Variants in DOCK7 observed in about 807,000 individuals in gnomAD.
DOCK7 encodes the protein dedicator of cytokinesis protein 7.
Under a neutral mutation model 271.0 loss-of-function variants are expected in DOCK7, and 138 were observed. The observed-to-expected ratio is 0.51, with a 90% CI of 0.44 to 0.59. The LOEUF (loss-of-function observed/expected upper bound fraction) is 0.59. Among genes scored for constraint, DOCK7 ranks in the 20% least tolerant of loss-of-function variants. DOCK7 has a pLI of 0.00. For missense variants in DOCK7, 2,066 were observed against 2,592.4 expected (o/e 0.80, Z 4.41); for synonymous variants, 823 against 876.1 (o/e 0.94, Z 1.07).
At chr1:62,527,599 A>G (rs1645048026) in intron 31 of DOCK7, among the ~76,000 whole-genome samples, 1 of 152,032 alleles carries the variant, frequency 6.6e-6, no homozygotes. Flanking sequence ...GAAGCTGGAA[A>G]CCATCATTCT....
intron 2 of DOCK7, among the ~76,000 whole-genome samples, chr1:62,662,634 G>A (rs1243769675): frequency 6.6e-6 from 1 of 152,106 alleles, no homozygotes; most frequent in African/African-American, 2.4e-5. Context: ...GGTGGCACAT[G>A]CCTGTAGTCC....
At chr1:62,587,529 C>T (rs1248916775) in intron 14 of DOCK7, among the ~76,000 whole-genome samples, 1 of 152,006 alleles carries the variant, frequency 6.6e-6, no homozygotes, top group Non-Finnish European at 1.5e-5. Context: ...AAACTGTACA[C>T]ATGTGCAAAT....
At chr1:62,670,456 G>A (rs1387333603) in intron 1 of DOCK7, among the ~76,000 whole-genome samples, 24 of 145,958 alleles carry the variant, frequency 1.6e-4, no homozygotes, top group East Asian at 8.4e-4. Context: ...TGCACCAATC[G>A]ACACTCTGTA....
At chr1:62,518,594 G>C (rs191347006) in intron 31 of DOCK7, among the ~76,000 whole-genome samples, 1,555 of 149,842 alleles carry the variant, frequency 0.01, 38 homozygotes, top group African/African-American at 0.036. Context: ...AAAAAAATTA[G>C]CCAGGCGCAG....
At chr1:62,580,811 TG>T (rs1271840196) in intron 16 of DOCK7, among the ~76,000 whole-genome samples, 1 of 152,200 alleles carries the variant, frequency 6.6e-6, no homozygotes, top group Non-Finnish European at 1.5e-5. Flanking sequence ...TGCCTGGTTT[TG>T]TATAGCCTGC....
At chr1:62,567,024 G>C (rs573256308) in intron 18 of DOCK7, among the ~76,000 whole-genome samples, 1 of 152,054 alleles carries the variant, frequency 6.6e-6, no homozygotes, top group Non-Finnish European at 1.5e-5. Flanking sequence ...TTAGAATGGC[G>C]ATCATTAAAA....
intron 21 of DOCK7, among the ~76,000 whole-genome samples, chr1:62,554,856 T>G (rs1646086938): frequency 6.6e-6 from 1 of 152,200 alleles, no homozygotes; most frequent in African/African-American, 2.4e-5. Flanking sequence ...AATATAAATG[T>G]CAATTGCTTT....
intron 29 of DOCK7, 125 bp from the exon 30 acceptor site, chr1:62,529,571 A>G (rs1331814835): frequency 7.0e-6 from 4 of 570,126 alleles, no homozygotes; most frequent in Non-Finnish European, 8.3e-6. Flanking sequence ...CCTTTGTCAT[A>G]TATTTGCATG....
chr1:62,601,040 T>C (rs1477766405), intron 14 of DOCK7: 3 of 1,140,614 alleles, frequency 2.6e-6, no homozygotes, highest in Non-Finnish European at 2.7e-6. Flanking sequence ...TAATTGTATA[T>C]TCAGTATCAT....
chr1:62,506,611 C>A (rs1646944267), intron 35 of DOCK7, among the ~76,000 whole-genome samples: 1 of 151,562 alleles, frequency 6.6e-6, no homozygotes, highest in African/African-American at 2.4e-5. Context: ...GCTAGGATTA[C>A]AGGTGTGCGC....
At position 62,513,452 on chromosome 1, in the gene DOCK7, G is replaced by A; in HGVS notation, c.4274C>T (p.Ser1425Phe). The A allele has an allele frequency of 6.3e-7, 1 of 1,589,082 alleles. No individual in the cohort carries two copies. Among genetic ancestry groups the A allele is most frequent in the African/African-American group, 1.4e-5 (1 of 73,368 alleles). Residue 1425 changes from serine to phenylalanine, a missense_variant, in exon 33 of 50, where the codon TCT becomes TTT. Transcript: ENST00000635253. ...ATTGAAGAAATTCTCACCAGGAGGAGAAGCTATTGTGTACGTACCGAGCTG... is the reference window on the plus strand; with the variant it reads ...ATTGAAGAAATTCTCACCAGGAGGAAAAGCTATTGTGTACGTACCGAGCTG... ...RGQLGTYTIA[S>F]PPERSPSGSA...
chr1:62,626,766 TACC>T (rs1654006879), intron 11 of DOCK7, among the ~76,000 whole-genome samples: 1 of 152,004 alleles, frequency 6.6e-6, no homozygotes. Flanking sequence ...TGAAAAAACT[TACC>T]ACAAAGAAAA....
chr1:62,458,614 C>G (rs1190037034), intron 48 of DOCK7: 1 of 151,650 alleles, frequency 6.6e-6, no homozygotes, highest in Non-Finnish European at 1.5e-5. Context: ...CTCACTGCAA[C>G]CTCTGCCTCC....
intron 43 of DOCK7, chr1:62,481,542 TAAAAAA>T (rs140449764): frequency 6.7e-6 from 1 of 148,252 alleles, no homozygotes; most frequent in South Asian, 2.1e-4. Context: ...TCTTTTGAAT[TAAAAAA>T]AAAACAAAAA....
chr1:62,528,074 CTCATA>C, intron 31 of DOCK7, 72 bp downstream of exon 31: 1 of 1,410,316 alleles, frequency 7.1e-7, no homozygotes, highest in Non-Finnish European at 9.5e-7. Context: ...ATACAATCAT[CTCATA>C]TATTTAAGGG....
At chr1:62,584,066 A>G (rs555680265) in intron 15 of DOCK7, 1 of 806,480 alleles carries the variant, frequency 1.2e-6, no homozygotes, top group South Asian at 5.7e-5. Flanking sequence ...GCATGAATAG[A>G]TATGTGAACA....
At chr1:62,604,657 G>T in intron 14 of DOCK7, 1 of 1,613,168 alleles carries the variant, frequency 6.2e-7, no homozygotes, top group Non-Finnish European at 8.5e-7. Flanking sequence ...CATGATGAGT[G>T]TGGAGAAAAC....
intron 15 of DOCK7, among the ~76,000 whole-genome samples, chr1:62,585,539 C>G (rs1647394476): frequency 6.6e-6 from 1 of 152,088 alleles, no homozygotes; most frequent in African/African-American, 2.4e-5. Flanking sequence ...TTTGGACAGT[C>G]AAGAATCTCT....
intron 19 of DOCK7, among the ~76,000 whole-genome samples, chr1:62,560,498 A>G (rs932485821): frequency 2.0e-5 from 3 of 152,174 alleles, no homozygotes; most frequent in Non-Finnish European, 4.4e-5. Context: ...GCTTCCCCTT[A>G]GCATGGCCCC....
Sources: allele counts gnomAD v4.1 joint callset (sites outside exome capture counted in the v4.1 genomes callset), GRCh38; gene constraint gnomAD v4.1.1; transcripts MANE v1.5; gene names NCBI Gene and HGNC (gene_info 2026-07-23, HGNC 2026-07-21).